IYD: variants seen among roughly 807,000 people sequenced by gnomAD.
IYD encodes iodotyrosine deiodinase, also known as iodotyrosine deiodinase 1.
A neutral mutation model predicts 28.4 loss-of-function variants in IYD; 25 were observed. The observed-to-expected ratio is 0.88, with a 90% confidence interval of 0.64 to 1.23. The LOEUF (loss-of-function observed/expected upper bound fraction) is 1.23, where lower values mean the gene tolerates loss of function less well. IYD is among the 50% of genes most tolerant of loss of function. IYD has a pLI of 0.00. For missense variants in IYD, 352 were observed against 357.9 expected (o/e 0.98, Z 0.13); for synonymous variants, 140 against 130.8 (o/e 1.07, Z -0.48).
chr6:150,374,523 G>A (rs894393211), intron 1 of IYD, among the ~76,000 whole-genome samples: 2 of 152,204 alleles, frequency 1.3e-5, no homozygotes, highest in Non-Finnish European at 2.9e-5. Context: ...GAAAGGCATA[G>A]CCTACGTGGT....
chr6:150,394,532 A>G (rs1295443095), intron 4 of IYD, among the ~76,000 whole-genome samples: 2 of 152,180 alleles, frequency 1.3e-5, no homozygotes, highest in Non-Finnish European at 2.9e-5. Context: ...TGGCAGACCC[A>G]CATGAAGTAC....
In IYD at chr6:150,399,613, A is replaced by C. The variant is rs1368532797; in HGVS notation, c.*1376A>C. On this transcript the variant is annotated 3_prime_UTR_variant, in exon 5 of 5. Transcript: ENST00000344419. ...CTTCTTCTTGTCCTCATTTTCCTTG[A>C]GAAAACTCTCTCTATAAAAAATTTC... 1.3e-5 allele frequency: 2 copies of C among 152,126 alleles called. No homozygotes were observed. The highest frequency in any genetic ancestry group is 2.9e-5 in the Non-Finnish European group (2 of 68,060). The allele number at this position is 152,126 out of a possible 1,614,324, so 9.4% of individuals were successfully genotyped here. A position where few individuals can be genotyped will look rare whatever the true frequency, so the allele number is the denominator to read the frequency against.
chr6:150,380,324 C>T (rs1777602127), intron 1 of IYD, among the ~76,000 whole-genome samples: 1 of 152,192 alleles, frequency 6.6e-6, no homozygotes, highest in Admixed American at 6.6e-5. Context: ...ACAACTACCA[C>T]TACCACTACC....
chr6:150,378,265 GT>G (rs1777520907), intron 1 of IYD, among the ~76,000 whole-genome samples: 1 of 149,288 alleles, frequency 6.7e-6, no homozygotes, highest in Non-Finnish European at 1.5e-5. Context: ...TGCCATGCTG[GT>G]GCGCTGCACC....
In IYD at chr6:150,369,979, C is replaced by G. The variant is rs904473782; in HGVS notation, c.178+770C>G. The G allele has an allele frequency of 1.6e-5, 11 of 701,844 alleles. No homozygotes were observed. In the Admixed American group the frequency reaches 1.6e-4, roughly 10 times the overall value. 43.5% of individuals were successfully genotyped at this position (701,844 alleles called of 1,614,324 possible). On this transcript the variant is annotated intron_variant, in intron 1 of 4. Coordinates refer to ENST00000344419, the MANE Select transcript of IYD (RefSeq NM_203395.3). Reference sequence around the variant, plus strand: ...AGAATTGAGGGCGGGAAGGTTATGGCCACCTTGAGAAGAAGAGGTGATGAA... The same window carrying G: ...AGAATTGAGGGCGGGAAGGTTATGGGCACCTTGAGAAGAAGAGGTGATGAA...
In IYD at chr6:150,404,077, C is replaced by A. The variant is rs1398858948; in HGVS notation, c.*5840C>A. ...CAGCACTCAGGGCACTGTCTCCCAG[C>A]GCTGGAGTACTGTCTTATGACCAGA... On this transcript the variant is annotated 3_prime_UTR_variant, in exon 5 of 5. Coordinates refer to ENST00000344419, the MANE Select transcript of IYD (RefSeq NM_203395.3). 3 of 152,190 alleles carry A rather than the reference C, an allele frequency of 2.0e-5. No homozygotes were observed. The highest frequency in any genetic ancestry group is 4.4e-5 in the Non-Finnish European group (3 of 68,024). The allele number at this position is 152,190 out of a possible 1,614,324, so 9.4% of individuals were successfully genotyped here. A position where few individuals can be genotyped will look rare whatever the true frequency, so the allele number is the denominator to read the frequency against.
At chr6:150,396,286 T>G in intron 4 of IYD, 1 of 417,012 alleles carries the variant, frequency 2.4e-6, no homozygotes, top group Non-Finnish European at 4.2e-6. Flanking sequence ...TTCAAGTTCA[T>G]GGACCTGCTA....
At position 150,369,151 on chromosome 6, in the gene IYD, T is replaced by C; in HGVS notation, c.120T>C (p.Ala40=). 1 of 1,613,876 alleles carries C rather than the reference T, an allele frequency of 6.2e-7. No individual in the cohort carries two copies. ...KKGEPRTRAE[A]RPWVDEDLKD... ...GGGAGCCTAGAACCAGGGCCGAAGC[T>C]CGCCCCTGGGTGGATGAAGACTTAA... Residue 40 remains alanine, a synonymous_variant, in exon 1 of 5, where the codon GCT becomes GCC. Transcript: ENST00000344419.
intron 1 of IYD, among the ~76,000 whole-genome samples, chr6:150,382,383 G>A (rs1777677055): frequency 6.6e-6 from 1 of 151,978 alleles, no homozygotes; most frequent in African/African-American, 2.4e-5. Flanking sequence ...TTCCACACAC[G>A]ACTCAGTCTC....
intron 1 of IYD, chr6:150,370,703 G>A: frequency 1.0e-6 from 1 of 978,818 alleles, no homozygotes; most frequent in Non-Finnish European, 1.2e-6. Flanking sequence ...CTGGATGGTG[G>A]GGGCAGGTGG....
intron 4 of IYD, among the ~76,000 whole-genome samples, chr6:150,395,040 C>G (rs1041148876): frequency 1.3e-5 from 2 of 152,154 alleles, no homozygotes; most frequent in East Asian, 1.9e-4. Flanking sequence ...CTAGGCTAGT[C>G]TCAACTCCTG....
intron 1 of IYD, among the ~76,000 whole-genome samples, chr6:150,378,465 T>TA: frequency 6.6e-6 from 1 of 152,232 alleles, no homozygotes; most frequent in South Asian, 2.1e-4. Flanking sequence ...TTACTGAGAA[T>TA]AATGATTTCC....
intron 4 of IYD, chr6:150,396,220 A>G (rs973647094): frequency 1.1e-5 from 4 of 352,870 alleles, no homozygotes; most frequent in African/African-American, 2.1e-5. Context: ...TTATAAAGGA[A>G]GAAACTGCTA....
chr6:150,398,128 C>A lies in IYD; in HGVS notation c.761C>A (p.Pro254His). Residue 254 changes from proline (P) to histidine (H), a missense_variant, in exon 5 of 5, where the codon CCC becomes CAC. Pro to His is a moderately conservative substitution (Grantham distance 77). Transcript: ENST00000344419. The part of the protein sequence containing the change: ...GPRLRVLLGR[P>H]AHEKLLMLLP... The stretch of plus-strand genomic sequence containing the variant: ...CGACTGAGGGTGCTCCTGGGCCGCC[C>A]CGCACATGAAAAGCTGCTGATGCTG... 1.9e-6 allele frequency: 3 copies of A among 1,614,216 alleles called. No individual in the cohort carries two copies. The highest frequency in any genetic ancestry group is 2.5e-6 in the Non-Finnish European group (3 of 1,180,036).
At chr6:150,387,446 A>G (rs556137811) in intron 1 of IYD, among the ~76,000 whole-genome samples, 4 of 146,904 alleles carry the variant, frequency 2.7e-5, no homozygotes, top group Non-Finnish European at 4.4e-5. Flanking sequence ...AAAAAAAAAA[A>G]AAGAATTTAC....
At chr6:150,369,848 C>A in intron 1 of IYD, 1 of 640,788 alleles carries the variant, frequency 1.6e-6, no homozygotes, top group South Asian at 1.8e-5. Flanking sequence ...GGAGGCCTGT[C>A]AGGCAACAAG....
intron 3 of IYD, among the ~76,000 whole-genome samples, 163 bp from the exon 4 acceptor site, chr6:150,393,936 C>G (rs575794508): frequency 6.6e-6 from 1 of 152,180 alleles, no homozygotes; most frequent in South Asian, 2.1e-4. Flanking sequence ...TGATCCTGGT[C>G]AGAAAAAGTG....
At chr6:150,376,355 G>A (rs1226162741) in intron 1 of IYD, among the ~76,000 whole-genome samples, 2 of 152,144 alleles carry the variant, frequency 1.3e-5, no homozygotes, top group Non-Finnish European at 1.5e-5. Flanking sequence ...AACCCAGTGG[G>A]GTCCAGATGC....
chr6:150,369,470 A>C lies in IYD; in HGVS notation c.178+261A>C, dbSNP rs111677529. On this transcript the variant is annotated intron_variant, in intron 1 of 4. Transcript: ENST00000344419. ...TGAGAGGCTGAAGTTTTCCCTGGCT[A>C]CAATTCTGTTCTGGTTGTTAAAATC... Among the ~76,000 whole-genome samples, 372 of 152,294 alleles carry C rather than the reference A, an allele frequency of 2.4e-3. 1 individual carries two copies. The highest frequency in any genetic ancestry group is 8.1e-3 in the African/African-American group (337 of 41,566).
Sources: allele counts gnomAD v4.1 joint callset (sites outside exome capture counted in the v4.1 genomes callset), GRCh38; gene constraint gnomAD v4.1.1; transcripts MANE v1.5; gene names NCBI Gene and HGNC (gene_info 2026-07-23, HGNC 2026-07-21).